The following DIPK1A variants were observed in gnomAD, a reference collection of about 807,000 sequenced individuals.
The protein encoded by DIPK1A is divergent protein kinase domain 1A, also known as family with sequence similarity 69 member A.
In DIPK1A, 27 loss-of-function variants were observed where a neutral mutation model predicts 40.8. The observed-to-expected ratio is 0.66, with a 90% CI of 0.49 to 0.91. The LOEUF (loss-of-function observed/expected upper bound fraction) is 0.91, where lower values mean the gene tolerates loss of function less well. Among genes scored for constraint, DIPK1A ranks in the 40% least tolerant of loss-of-function variants. The pLI is 0.00. For synonymous variants in DIPK1A, 166 were observed against 171.3 expected (o/e 0.97, Z 0.24); for missense variants, 412 against 505.7 (o/e 0.81, Z 1.78).
At chr1:92,887,144 G>A (rs1648640438) in intron 1 of DIPK1A, among the ~76,000 whole-genome samples, 1 of 151,286 alleles carries the variant, frequency 6.6e-6, no homozygotes, top group South Asian at 2.1e-4. Context: ...TGGGCCAGGT[G>A]TAGTGGCTCA....
intron 1 of DIPK1A, among the ~76,000 whole-genome samples, chr1:92,889,595 C>T (rs1648764398): frequency 6.6e-6 from 1 of 151,644 alleles, no homozygotes; most frequent in South Asian, 2.1e-4. Context: ...GTAGTATGGT[C>T]AAGTTAACAA....
At chr1:92,941,470 T>C (rs770847817) in intron 1 of DIPK1A, among the ~76,000 whole-genome samples, 1 of 152,336 alleles carries the variant, frequency 6.6e-6, no homozygotes, top group Non-Finnish European at 1.5e-5. Flanking sequence ...CAGCAAAATA[T>C]TGGAAACTAA....
At chr1:92,875,068 T>C (rs1455017072) in intron 2 of DIPK1A, among the ~76,000 whole-genome samples, 1 of 152,166 alleles carries the variant, frequency 6.6e-6, no homozygotes, top group Non-Finnish European at 1.5e-5. Context: ...GTAACACTCC[T>C]GTGGAATAAC....
At chr1:92,855,183 A>T (rs1050361929) in intron 2 of DIPK1A, among the ~76,000 whole-genome samples, 1 of 152,222 alleles carries the variant, frequency 6.6e-6, no homozygotes, top group Non-Finnish European at 1.5e-5. Context: ...TGTGGGTTAA[A>T]GTAGAAATTA....
intron 1 of DIPK1A, among the ~76,000 whole-genome samples, chr1:92,889,828 T>C (rs751489018): frequency 3.3e-5 from 5 of 152,140 alleles, no homozygotes; most frequent in East Asian, 1.9e-4. Flanking sequence ...TTTTGTATTT[T>C]TGGTGGAGAC....
chr1:92,935,565 T>C (rs1650914217), intron 1 of DIPK1A, among the ~76,000 whole-genome samples: 1 of 152,194 alleles, frequency 6.6e-6, no homozygotes, highest in Non-Finnish European at 1.5e-5. Flanking sequence ...GTGCTATCCC[T>C]GCTACTGACT....
intron 1 of DIPK1A, among the ~76,000 whole-genome samples, chr1:92,919,303 A>G (rs1650182108): frequency 6.6e-6 from 1 of 152,204 alleles, no homozygotes; most frequent in East Asian, 1.9e-4. Flanking sequence ...ATATTTTGGC[A>G]CTTAAAATAT....
chr1:92,918,784 C>T (rs556382135), intron 1 of DIPK1A, among the ~76,000 whole-genome samples: 3 of 152,154 alleles, frequency 2.0e-5, no homozygotes, highest in African/African-American at 4.8e-5. Flanking sequence ...GTGGGGAGTG[C>T]GGGTGAGGTG....
chr1:92,887,446 G>T (rs1012235192), intron 1 of DIPK1A, among the ~76,000 whole-genome samples: 2 of 151,578 alleles, frequency 1.3e-5, no homozygotes, highest in Non-Finnish European at 2.9e-5. Context: ...GCAAAGAAAA[G>T]GAAAGAAAAA....
At chr1:92,938,297 G>A (rs535634879) in intron 1 of DIPK1A, among the ~76,000 whole-genome samples, 4 of 152,068 alleles carry the variant, frequency 2.6e-5, no homozygotes, top group African/African-American at 9.6e-5. Flanking sequence ...TTGGGAGGCT[G>A]AGCCAGGAGA....
chr1:92,877,323 C>T (rs1648175570), intron 1 of DIPK1A, among the ~76,000 whole-genome samples: 1 of 152,130 alleles, frequency 6.6e-6, no homozygotes, highest in Non-Finnish European at 1.5e-5. Flanking sequence ...AACAGCAGAA[C>T]TGAGGACTAC....
intron 1 of DIPK1A, among the ~76,000 whole-genome samples, chr1:92,944,452 A>G (rs1351878742): frequency 6.6e-6 from 1 of 152,224 alleles, no homozygotes; most frequent in Non-Finnish European, 1.5e-5. Context: ...GAGATCCTGA[A>G]CAGGAAAAAC....
rs769877057 is a variant in DIPK1A at position 92,833,391 on chromosome 1, G to A, written c.475-357C>T. ...AATAACATTCTTTTTTCTTTAAGGGGTTTGTTAAAGTTGTTAAGAATAAGG... is the reference window on the plus strand; with the variant it reads ...AATAACATTCTTTTTTCTTTAAGGGATTTGTTAAAGTTGTTAAGAATAAGG... On this transcript the variant is annotated intron_variant, in intron 4 of 4. Transcript: ENST00000615519. 1.2e-6 allele frequency: 2 copies of A among 1,610,412 alleles called. No individual in the cohort carries two copies. The highest frequency in any genetic ancestry group is 3.3e-5 in the Admixed American group (2 of 60,022).
intron 2 of DIPK1A, among the ~76,000 whole-genome samples, chr1:92,873,455 A>G (rs1202359281): frequency 1.3e-5 from 2 of 151,990 alleles, no homozygotes; most frequent in Non-Finnish European, 2.9e-5. Flanking sequence ...TCTCTACTAA[A>G]AATAGAAAAA....
intron 1 of DIPK1A, among the ~76,000 whole-genome samples, chr1:92,929,158 G>A (rs1186382623): frequency 1.3e-5 from 2 of 152,098 alleles, no homozygotes; most frequent in East Asian, 3.9e-4. Flanking sequence ...CTTGAACGTG[G>A]TAACATTTTC....
At chr1:92,844,344 T>C in intron 4 of DIPK1A, 149 bp from the exon 5 acceptor site, 1 of 616,468 alleles carries the variant, frequency 1.6e-6, no homozygotes, top group Admixed American at 3.0e-5. Context: ...TATCTCCAAA[T>C]ATTTATGATA....
intron 1 of DIPK1A, among the ~76,000 whole-genome samples, chr1:92,891,340 G>A (rs1451113495): frequency 6.7e-6 from 1 of 150,308 alleles, no homozygotes; most frequent in Admixed American, 6.6e-5. Context: ...TCTAATTTTG[G>A]GTTTGGTTTA....
intron 4 of DIPK1A, chr1:92,833,874 T>C: frequency 1.8e-6 from 1 of 553,054 alleles, no homozygotes. Flanking sequence ...ATCCCAGCAC[T>C]TCGGGAAGAT....
chr1:92,885,736 A>G (rs1648571536), intron 1 of DIPK1A, among the ~76,000 whole-genome samples: 1 of 144,626 alleles, frequency 6.9e-6, no homozygotes, highest in Non-Finnish European at 1.5e-5. Flanking sequence ...TGGAATATAA[A>G]ATGATAAATA....
Sources: allele counts gnomAD v4.1 joint callset (sites outside exome capture counted in the v4.1 genomes callset), GRCh38; gene constraint gnomAD v4.1.1; transcripts MANE v1.5; gene names NCBI Gene and HGNC (gene_info 2026-07-23, HGNC 2026-07-21).